Variants in ESR2 observed in about 807,000 individuals in gnomAD.
The protein encoded by ESR2 is estrogen receptor beta.
In ESR2, 36 loss-of-function variants were observed where a neutral mutation model predicts 49.6. The observed-to-expected ratio is 0.73, with a 90% CI of 0.56 to 0.96. The LOEUF is 0.96. ESR2 is among the 40% of genes least tolerant of loss of function. ESR2 has a pLI of 0.00. For synonymous variants in ESR2, 320 were observed against 266.1 expected, an observed-to-expected ratio of 1.20 and a Z score of -1.97; for missense variants, 714 against 693.0, an observed-to-expected ratio of 1.03 and a Z score of -0.34.
intron 8 of ESR2, chr14:64,234,230 G>A (rs1176479105): frequency 2.0e-5 from 3 of 152,152 alleles, no homozygotes; most frequent in East Asian, 3.9e-4. Flanking sequence ...TAAGATTCTC[G>A]AGGTGTATAT....
chr14:64,271,586 A>G (rs1480648103), intron 3 of ESR2, among the ~76,000 whole-genome samples: 2 of 152,182 alleles, frequency 1.3e-5, no homozygotes, highest in Non-Finnish European at 2.9e-5. Flanking sequence ...TCGACCTCCC[A>G]AAGTGCTAGG....
At chr14:64,238,359 G>A (rs938930814) in intron 7 of ESR2, among the ~76,000 whole-genome samples, 1 of 152,128 alleles carries the variant, frequency 6.6e-6, no homozygotes, top group Non-Finnish European at 1.5e-5. Context: ...GGTGGGGTAG[G>A]GGGGCAGTGT....
rs575090605 is a variant in ESR2, at chr14:64,334,027, C to T, written c.-91+3871G>A. Among the ~76,000 whole-genome samples the T allele has an allele frequency of 1.2e-4, 18 of 152,098 alleles. No individual in the cohort carries two copies. The East Asian group carries it at 2.3e-3, about 20-fold the overall frequency. ...CATTTTTAAAATAAAATCAAGTTAG[C>T]ACATATAGCTTGGAATACCGTATTT... On this transcript the variant is annotated intron_variant, in intron 1 of 8. Coordinates refer to the ESR2 transcript ENST00000358599.
chr14:64,252,318 A>C (rs1047177386), intron 6 of ESR2, among the ~76,000 whole-genome samples: 19 of 152,084 alleles, frequency 1.2e-4, no homozygotes, highest in East Asian at 9.6e-4. Flanking sequence ...TCTAAAAAAA[A>C]AAAAACAAAA....
At chr14:64,287,816 A>T (rs913093790) in intron 1 of ESR2, among the ~76,000 whole-genome samples, 38 of 152,198 alleles carry the variant, frequency 2.5e-4, no homozygotes, top group African/African-American at 8.9e-4. Context: ...CAAAAGATTT[A>T]ATTTCTTTAA....
upstream of ESR2, among the ~76,000 whole-genome samples, chr14:64,295,693 C>T (rs2076947323): frequency 1.3e-5 from 2 of 152,110 alleles, no homozygotes; most frequent in South Asian, 4.2e-4. Flanking sequence ...GTACCCAGTC[C>T]CCATATGCTC....
intron 1 of ESR2, among the ~76,000 whole-genome samples, chr14:64,337,113 A>G (rs930807330): frequency 6.6e-5 from 10 of 152,214 alleles, no homozygotes; most frequent in African/African-American, 1.9e-4. Context: ...GTGGCACTCA[A>G]TAATTATTTG....
chr14:64,313,530 CAA>C (rs60380584), intron 1 of ESR2, among the ~76,000 whole-genome samples: 8 of 107,438 alleles, frequency 7.4e-5, no homozygotes, highest in Non-Finnish European at 9.3e-5. Context: ...GAGGCTCTGT[CAA>C]AAAAAAAAAA....
intron 6 of ESR2, among the ~76,000 whole-genome samples, chr14:64,250,508 T>C (rs969995354): frequency 6.6e-6 from 1 of 152,066 alleles, no homozygotes; most frequent in Non-Finnish European, 1.5e-5. Flanking sequence ...ACCTCACTGC[T>C]CCCCCAAAAC....
intron 1 of ESR2, chr14:64,329,852 T>C (rs759462005): frequency 6.6e-6 from 1 of 151,388 alleles, no homozygotes; most frequent in Non-Finnish European, 1.5e-5. Flanking sequence ...CAAGATAAAC[T>C]ACCCGGCTAG....
intron 4 of ESR2, among the ~76,000 whole-genome samples, chr14:64,266,701 T>C (rs1441768227): frequency 6.6e-6 from 1 of 152,188 alleles, no homozygotes; most frequent in Non-Finnish European, 1.5e-5. Context: ...TAAGATATTA[T>C]CTCTGGATTT....
In ESR2 at chr14:64,260,471, G is replaced by T; in HGVS notation, c.930C>A (p.Ile310=). Reference sequence around the variant, plus strand: ...TACCGGGAATCTTCTTGGCCCAGCTGATCATGTGTACCAACTCCTTGTCGG... The same window carrying T: ...TACCGGGAATCTTCTTGGCCCAGCTTATCATGTGTACCAACTCCTTGTCGG... ...KLADKELVHM[I]SWAKKIPGFV... The change falls in exon 5 of 9, where the codon ATC becomes ATA. Residue 310 remains isoleucine (I), a synonymous_variant. Transcript: ENST00000341099. 1 of 1,525,714 alleles carries T rather than the reference G, an allele frequency of 6.6e-7. No homozygotes were observed. Among genetic ancestry groups the T allele is most frequent in the Non-Finnish European group, 8.8e-7 (1 of 1,137,994 alleles). The allele number at this position is 1,525,714 out of a possible 1,614,324, so 94.5% of individuals were successfully genotyped here.
chr14:64,314,898 A>G (rs1454903898), intron 1 of ESR2, among the ~76,000 whole-genome samples: 2 of 150,508 alleles, frequency 1.3e-5, no homozygotes, highest in Non-Finnish European at 3.0e-5. Flanking sequence ...AAAAAAAAAA[A>G]AAAAGAAAAA....
At position 64,254,545 on chromosome 14, in the gene ESR2, G is replaced by A. The variant is rs115029663; in HGVS notation, c.1091+2681C>T. On this transcript the variant is annotated intron_variant, in intron 6 of 8. Coordinates refer to ENST00000341099, the MANE Select transcript of ESR2 (RefSeq NM_001437.3). The stretch of plus-strand genomic sequence containing the variant: ...GGGGATCACTTGAAGTCAGGACCTC[G>A]AGACCAGCTTGGCCAACATGGTAAA... Among the ~76,000 whole-genome samples, 1,276 of 149,648 alleles carry A rather than the reference G, an allele frequency of 8.5e-3. 22 individuals carry two copies. Among genetic ancestry groups the A allele is most frequent in the African/African-American group, 0.029 (1,180 of 40,390 alleles).
intron 1 of ESR2, among the ~76,000 whole-genome samples, chr14:64,309,278 GT>G (rs2077153588): frequency 1.3e-5 from 2 of 152,186 alleles, no homozygotes. Context: ...CAAGCACACT[GT>G]GGTATAATAT....
At chr14:64,237,478 G>A (rs747080787) in intron 7 of ESR2, among the ~76,000 whole-genome samples, 4 of 152,150 alleles carry the variant, frequency 2.6e-5, no homozygotes, top group Non-Finnish European at 5.9e-5. Flanking sequence ...ATGGACTTCC[G>A]CTGCCATCAA....
chr14:64,241,040 G>A lies in ESR2; in HGVS notation c.1226-5890C>T, dbSNP rs572441468. ...GGGCGCCTGTAGTCCCAGCTACTGG[G>A]GAGGCTGAGGCAGGAGAATGGCGTG... On this transcript the variant is annotated intron_variant, in intron 7 of 8. Coordinates refer to ENST00000341099, the MANE Select transcript of ESR2 (RefSeq NM_001437.3). 5.3e-5 allele frequency among the ~76,000 whole-genome samples: 8 copies of A among 151,634 alleles called. No homozygotes were observed. In the East Asian group the frequency reaches 1.2e-3, roughly 22 times the overall value.
At chr14:64,254,456 G>A (rs973944162) in intron 6 of ESR2, among the ~76,000 whole-genome samples, 12 of 151,942 alleles carry the variant, frequency 7.9e-5, no homozygotes, top group Non-Finnish European at 1.8e-4. Context: ...AAAAATACTA[G>A]AGACTGTAGG....
intron 1 of ESR2, among the ~76,000 whole-genome samples, chr14:64,318,437 T>A (rs1351321691): frequency 6.9e-6 from 1 of 145,344 alleles, no homozygotes; most frequent in Non-Finnish European, 1.5e-5. Context: ...CTTGGGAGGC[T>A]TAGGCAGGAG....
Sources: gnomAD v4.1 joint callset for allele counts (sites outside exome capture counted in the v4.1 genomes callset) on GRCh38, gnomAD v4.1.1 for gene constraint, MANE v1.5 for transcripts, NCBI Gene and HGNC (gene_info 2026-07-23, HGNC 2026-07-21) for gene names.